CATSPERE: variants seen among roughly 807,000 people sequenced by gnomAD.
CATSPERE encodes cation channel sperm-associated auxiliary subunit epsilon.
Under a neutral mutation model 114.1 loss-of-function variants are expected in CATSPERE, and 93 were observed. The observed-to-expected ratio is 0.81, with a 90% CI of 0.69 to 0.97. CATSPERE has a LOEUF of 0.97. Among genes scored for constraint, CATSPERE ranks in the 50% least tolerant of loss-of-function variants. CATSPERE has a pLI of 0.00. For synonymous variants in CATSPERE, 341 were observed against 384.1 expected (o/e 0.89, Z 1.31); for missense variants, 1,058 against 1,131.6 (o/e 0.93, Z 0.93).
At chr1:244,567,657 A>T (rs1174276491) in intron 10 of CATSPERE, among the ~76,000 whole-genome samples, 1 of 151,294 alleles carries the variant, frequency 6.6e-6, no homozygotes, top group Non-Finnish European at 1.5e-5. Context: ...ACTGGTGTAT[A>T]CTCCACAAAG....
At chr1:244,619,930 A>G (rs1225643526) in intron 20 of CATSPERE, among the ~76,000 whole-genome samples, 1 of 152,218 alleles carries the variant, frequency 6.6e-6, no homozygotes, top group East Asian at 1.9e-4. Flanking sequence ...CCACAATTTT[A>G]TTAGGAGACT....
intron 9 of CATSPERE, among the ~76,000 whole-genome samples, chr1:244,559,807 T>G (rs1662264100): frequency 6.6e-6 from 1 of 152,264 alleles, no homozygotes; most frequent in African/African-American, 2.4e-5. Flanking sequence ...CTTAAAAGAT[T>G]TAAAAGGAAT....
At chr1:244,627,667 AT>A (rs1673386287) in intron 20 of CATSPERE, among the ~76,000 whole-genome samples, 1 of 152,222 alleles carries the variant, frequency 6.6e-6, no homozygotes, top group African/African-American at 2.4e-5. Flanking sequence ...GTTTGTGTTA[AT>A]CCCGTGTTGA....
chr1:244,617,795 A>G (rs1272240369), intron 20 of CATSPERE, 109 bp downstream of exon 20: 5 of 1,000,562 alleles, frequency 5.0e-6, no homozygotes, highest in Non-Finnish European at 6.9e-6. Flanking sequence ...TGTTATTTAC[A>G]TATTTGCTTT....
At chr1:244,507,929 T>C (rs1483410123) in intron 7 of CATSPERE, among the ~76,000 whole-genome samples, 1 of 152,218 alleles carries the variant, frequency 6.6e-6, no homozygotes, top group African/African-American at 2.4e-5. Flanking sequence ...TTCTTTTTGC[T>C]CATTATTGTT....
intron 20 of CATSPERE, among the ~76,000 whole-genome samples, chr1:244,621,164 A>ATATAGATATAT (rs1672204480): frequency 3.5e-5 from 4 of 115,464 alleles, no homozygotes; most frequent in Non-Finnish European, 6.6e-5. Flanking sequence ...AAATATATAT[A>ATATAGATATAT]TTATATATAG....
chr1:244,522,630 C>A (rs1159128366), intron 8 of CATSPERE, among the ~76,000 whole-genome samples: 1 of 151,750 alleles, frequency 6.6e-6, no homozygotes, highest in African/African-American at 2.4e-5. Flanking sequence ...CAAATAGACG[C>A]AATAAAAAAT....
chr1:244,562,256 A>T (rs1229854002), intron 10 of CATSPERE, among the ~76,000 whole-genome samples: 2 of 152,084 alleles, frequency 1.3e-5, no homozygotes, highest in Non-Finnish European at 2.9e-5. Context: ...CATATAATAG[A>T]TATAAAACGA....
intron 13 of CATSPERE, among the ~76,000 whole-genome samples, chr1:244,586,896 A>C (rs1163188434): frequency 1.3e-5 from 2 of 152,034 alleles, no homozygotes; most frequent in African/African-American, 4.8e-5. Flanking sequence ...AGCAGCCATG[A>C]CTCTCTGCCT....
chr1:244,638,333 G>A (rs1182533998), intron 21 of CATSPERE, among the ~76,000 whole-genome samples: 2 of 152,140 alleles, frequency 1.3e-5, no homozygotes, highest in East Asian at 1.9e-4. Context: ...TTTCTTCAGC[G>A]TTGACTCTAC....
chr1:244,614,411 A>G (rs941881903), intron 19 of CATSPERE, among the ~76,000 whole-genome samples: 1 of 152,234 alleles, frequency 6.6e-6, no homozygotes, highest in African/African-American at 2.4e-5. Context: ...CAAAGAATCT[A>G]TGACAAGCCT....
chr1:244,600,708 C>A (rs1296706965), intron 17 of CATSPERE, among the ~76,000 whole-genome samples: 3 of 150,244 alleles, frequency 2.0e-5, no homozygotes, highest in Non-Finnish European at 4.4e-5. Context: ...CGATCAAATC[C>A]AGAGATATAG....
Position 244,560,760 on chromosome 1 carries a change from C to A in CATSPERE, c.1122C>A (p.Thr374=). 6.2e-7 allele frequency: 1 copy of A among 1,613,940 alleles called. No individual in the cohort carries two copies. Among genetic ancestry groups the A allele is most frequent in the East Asian group, 2.2e-5 (1 of 44,858 alleles). Residue 374 remains threonine (T), a synonymous_variant, in exon 10 of 22, where the codon ACC becomes ACA. Coordinates refer to ENST00000366534, the MANE Select transcript of CATSPERE (RefSeq NM_001130957.2). The part of the protein sequence containing the change: ...ILLKFARLVT[T]TELKNILSLS... The stretch of plus-strand genomic sequence containing the variant: ...TTAAGTTTGCCAGATTAGTAACTAC[C>A]ACAGAACTGAAAAACATCCTAAGTC...
At chr1:244,540,369 C>CAAAT (rs1252426820) in intron 8 of CATSPERE, among the ~76,000 whole-genome samples, 1 of 58,328 alleles carries the variant, frequency 1.7e-5, no homozygotes, top group African/African-American at 4.6e-5. Context: ...CAATAACAGA[C>CAAAT]AGAGAGCCAA....
chr1:244,487,627 C>A (rs1161102577), intron 5 of CATSPERE, among the ~76,000 whole-genome samples: 1 of 152,162 alleles, frequency 6.6e-6, no homozygotes, highest in Non-Finnish European at 1.5e-5. Context: ...TTGCCCTACC[C>A]CGACAATCCC....
At chr1:244,517,082 AGTAACCTGTACTTG>A (rs1466164096) in intron 7 of CATSPERE, among the ~76,000 whole-genome samples, 5 of 152,160 alleles carry the variant, frequency 3.3e-5, no homozygotes, top group Non-Finnish European at 7.3e-5. Flanking sequence ...AATATAAAAC[AGTAACCTGTACTTG>A]GTAAATCTGA....
intron 20 of CATSPERE, among the ~76,000 whole-genome samples, chr1:244,625,548 C>T (rs1673077770): frequency 6.8e-6 from 1 of 147,746 alleles, no homozygotes; most frequent in African/African-American, 2.5e-5. Flanking sequence ...CCTGCCTCAG[C>T]CTCCCGAGTA....
Position 244,592,055 on chromosome 1 carries a change from C to G in CATSPERE, c.2189+324C>G, listed in dbSNP as rs181546741. Reference sequence around the variant, plus strand: ...TTCCTTACATAATTTTTCTCAAATTCTACATGACTGAAGCCGGGTACAGTG... The same window carrying G: ...TTCCTTACATAATTTTTCTCAAATTGTACATGACTGAAGCCGGGTACAGTG... On this transcript the variant is annotated intron_variant, in intron 15 of 21. Coordinates refer to ENST00000366534, the MANE Select transcript of CATSPERE (RefSeq NM_001130957.2). 1.7e-4 allele frequency among the ~76,000 whole-genome samples: 26 copies of G among 152,154 alleles called. No homozygotes were observed. In the East Asian group the frequency reaches 4.8e-3, roughly 28 times the overall value.
In CATSPERE at chr1:244,632,580, G is replaced by T. The variant is rs78884601; in HGVS notation, c.2649-2909G>T. ...TATACAAATAGTATACCATTAAATG[G>T]TATACTATTTGCCAGAAAAATGTGA... is the stretch of plus-strand genomic sequence containing the variant. On this transcript the variant is annotated intron_variant, in intron 20 of 21. Transcript: ENST00000366534. Among the ~76,000 whole-genome samples the T allele has an allele frequency of 6.0e-4, 91 of 151,440 alleles. No homozygotes were observed. In the East Asian group the frequency reaches 0.015, roughly 26 times the overall value.
Sources: gnomAD v4.1 joint callset for allele counts (sites outside exome capture counted in the v4.1 genomes callset) on GRCh38, gnomAD v4.1.1 for gene constraint, MANE v1.5 for transcripts, NCBI Gene and HGNC (gene_info 2026-07-23, HGNC 2026-07-21) for gene names.